Variants in CD99L2 observed in about 807,000 individuals in gnomAD.
The protein encoded by CD99L2 is CD99 molecule like 2.
Under a neutral mutation model 27.3 loss-of-function variants are expected in CD99L2, and 24 were observed. That is an observed-to-expected ratio of 0.88 (90% CI 0.64 to 1.24). The LOEUF is 1.24. CD99L2 is among the 50% of genes most tolerant of loss of function. The probability of loss-of-function intolerance (pLI) is 0.00; values close to 1 mark genes in which losing one functional copy is unlikely to be tolerated. For missense variants in CD99L2, 255 were observed against 221.6 expected, an observed-to-expected ratio of 1.15 and a Z score of -0.96; for synonymous variants, 97 against 87.9, an observed-to-expected ratio of 1.10 and a Z score of -0.58.
chrX:150,887,486 A>T (rs2124382224), intron 1 of CD99L2, among the ~76,000 whole-genome samples: 1 of 103,552 alleles, frequency 9.7e-6, no homozygotes, highest in African/African-American at 3.6e-5. Flanking sequence ...ATAAATAAAT[A>T]AAATAAAAAA....
chrX:150,862,081 T>C (rs368891782), intron 1 of CD99L2, among the ~76,000 whole-genome samples: 2 of 112,000 alleles, frequency 1.8e-5, no homozygotes, highest in African/African-American at 6.5e-5. Flanking sequence ...ATGGTAGTTG[T>C]CCATAGATGA....
intron 7 of CD99L2, among the ~76,000 whole-genome samples, chrX:150,788,702 C>A (rs1016851689): frequency 2.7e-5 from 3 of 111,294 alleles, no homozygotes; most frequent in Non-Finnish European, 5.7e-5. Flanking sequence ...GCATTTTTAC[C>A]CCAGGCTGCT....
chrX:150,771,448 T>C (rs1483781831), intron 9 of CD99L2, among the ~76,000 whole-genome samples: 2 of 112,244 alleles, frequency 1.8e-5, no homozygotes, highest in Admixed American at 1.9e-4. Context: ...AGACACACCC[T>C]GAGCCTCGTG....
At chrX:150,825,592 A>G (rs980569519) in intron 2 of CD99L2, among the ~76,000 whole-genome samples, 1 of 112,522 alleles carries the variant, frequency 8.9e-6, no homozygotes, top group African/African-American at 3.2e-5. Flanking sequence ...AAGAGCTTCA[A>G]TTTATGCACA....
At chrX:150,830,830 C>T (rs151240255) in intron 2 of CD99L2, among the ~76,000 whole-genome samples, 6,948 of 110,026 alleles carry the variant, frequency 0.063, 166 homozygotes, top group South Asian at 0.13. Context: ...TTTTTTGAGA[C>T]GGAGATCTTG....
chrX:150,836,484 C>A (rs1243257760), intron 1 of CD99L2, among the ~76,000 whole-genome samples: 2 of 110,937 alleles, frequency 1.8e-5, no homozygotes, highest in African/African-American at 6.6e-5. Context: ...TCTGCCACCA[C>A]GCCCAGCTAA....
chrX:150,830,738 T>C (rs1371649643), intron 2 of CD99L2, among the ~76,000 whole-genome samples: 1 of 111,810 alleles, frequency 8.9e-6, no homozygotes, highest in Non-Finnish European at 1.9e-5. Context: ...TCACACATTG[T>C]TAGGTATTCT....
At chrX:150,859,134 C>T (rs2046935117) in intron 1 of CD99L2, among the ~76,000 whole-genome samples, 1 of 111,997 alleles carries the variant, frequency 8.9e-6, no homozygotes, top group African/African-American at 3.2e-5. Context: ...GAAACTACAA[C>T]CTACCAAGAT....
intron 1 of CD99L2, among the ~76,000 whole-genome samples, chrX:150,836,373 C>T (rs1201850568): frequency 9.1e-6 from 1 of 110,363 alleles, no homozygotes; most frequent in African/African-American, 3.3e-5. Context: ...GATGGAGTTT[C>T]GCTCTTGTTG....
At chrX:150,834,354 C>T (rs1249665143) in intron 1 of CD99L2, among the ~76,000 whole-genome samples, 4 of 111,160 alleles carry the variant, frequency 3.6e-5, no homozygotes, top group Admixed American at 1.9e-4. Context: ...TAGCTGGGCG[C>T]GGTAGCATGT....
intron 1 of CD99L2, among the ~76,000 whole-genome samples, chrX:150,865,066 CA>C (rs782313986): frequency 8.0e-3 from 409 of 50,989 alleles, no homozygotes; most frequent in Non-Finnish European, 8.8e-3. Context: ...GACCCTGTCT[CA>C]AAAAAAAAAA....
At chrX:150,886,851 ACT>A (rs1171922631) in intron 1 of CD99L2, among the ~76,000 whole-genome samples, 1 of 109,043 alleles carries the variant, frequency 9.2e-6, no homozygotes, top group East Asian at 2.9e-4. Flanking sequence ...TGGTTGAAAA[ACT>A]CTGCTCAATA....
chrX:150,876,126 A>C, intron 1 of CD99L2, among the ~76,000 whole-genome samples: 1 of 112,099 alleles, frequency 8.9e-6, no homozygotes, highest in South Asian at 3.7e-4. Context: ...GTGTTTGGCA[A>C]TTAGGAATAA....
chrX:150,861,699 G>C (rs1379819174), intron 1 of CD99L2, among the ~76,000 whole-genome samples: 2 of 109,966 alleles, frequency 1.8e-5, no homozygotes, highest in East Asian at 5.7e-4. Flanking sequence ...TCAGGAGTTC[G>C]AGACCAGCCT....
intron 9 of CD99L2, chrX:150,771,843 T>C: frequency 8.7e-7 from 1 of 1,154,487 alleles, no homozygotes; most frequent in Non-Finnish European, 1.1e-6. Flanking sequence ...GACACAAAGC[T>C]TAGAATCCCT....
In CD99L2 at chrX:150,777,424, C is replaced by T; in HGVS notation, c.535+20G>A. The T allele has an allele frequency of 8.3e-7, 1 of 1,211,446 alleles. No homozygotes were observed. The highest frequency in any genetic ancestry group is 1.7e-5 in the African/African-American group (1 of 57,885). On this transcript the variant is annotated intron_variant, in intron 8 of 10. Transcript: ENST00000370377. ...TTCCTTTCACATGGCCAACAGGAGC[C>T]TCAGGATTCAGAAACCCACCAGATC...
chrX:150,818,201 GATATATATATATATAT>G (rs368100797), intron 2 of CD99L2, among the ~76,000 whole-genome samples: 3 of 86,267 alleles, frequency 3.5e-5, no homozygotes, highest in Non-Finnish European at 4.5e-5. Context: ...CAAGTAGGCA[GATATATATATATATAT>G]ATATATGACT....
chrX:150,777,378 T>C, intron 8 of CD99L2, 66 bp downstream of exon 8: 4 of 1,174,624 alleles, frequency 3.4e-6, no homozygotes, highest in Non-Finnish European at 4.6e-6. Context: ...GCTTAGTGAT[T>C]TTGGGGTCCT....
At chrX:150,812,698 T>G (rs2046090123) in intron 4 of CD99L2, among the ~76,000 whole-genome samples, 1 of 112,384 alleles carries the variant, frequency 8.9e-6, no homozygotes, top group African/African-American at 3.2e-5. Context: ...TCTTGGGCAT[T>G]TATTCATAAA....
Sources: allele counts gnomAD v4.1 joint callset (sites outside exome capture counted in the v4.1 genomes callset), GRCh38; gene constraint gnomAD v4.1.1; transcripts MANE v1.5; gene names NCBI Gene and HGNC (gene_info 2026-07-23, HGNC 2026-07-21).